Variants in TRIM24 observed in about 807,000 individuals in gnomAD.
TRIM24 encodes transcription intermediary factor 1-alpha.
Under a neutral mutation model 123.9 loss-of-function variants are expected in TRIM24, and 29 were observed. The ratio of observed to expected loss-of-function variants is 0.23; its 90% CI spans 0.17 to 0.32. The LOEUF is 0.32. Among genes scored for constraint, TRIM24 ranks in the 10% least tolerant of loss-of-function variants. TRIM24 has a pLI of 1.00. For synonymous variants in TRIM24, 456 were observed against 461.1 expected (o/e 0.99, Z 0.14); for missense variants, 932 against 1,295.3 (o/e 0.72, Z 4.31).
chr7:138,584,646 A>T, intron 18 of TRIM24, 96 bp from the exon 19 acceptor site: 1 of 924,618 alleles, frequency 1.1e-6, no homozygotes, highest in Non-Finnish European at 1.6e-6. Flanking sequence ...TTCAATGACT[A>T]TGCATGAACA....
intron 6 of TRIM24, among the ~76,000 whole-genome samples, chr7:138,536,067 C>T (rs923294638): frequency 6.6e-6 from 1 of 152,162 alleles, no homozygotes. Flanking sequence ...TCAGCTCCAT[C>T]GGGTCATTTT....
Position 138,460,741 on chromosome 7 carries a change from A to G in TRIM24, c.193A>G (p.Ser65Gly). 2 of 1,576,840 alleles carry G rather than the reference A, an allele frequency of 1.3e-6. No homozygotes were observed. Among genetic ancestry groups the G allele is most frequent in the Non-Finnish European group, 1.7e-6 (2 of 1,164,674 alleles). ...TCAVCHQNIQ[S>G]RAPKLLPCLH... ...CGCCGTGTGCCACCAGAACATCCAG[A>G]GCCGGGCGCCCAAGCTGCTGCCCTG... The change falls in exon 1 of 19, where the codon AGC becomes GGC. Residue 65 changes from serine (S) to glycine (G), a missense_variant. Ser to Gly is a moderately conservative substitution (Grantham distance 56). This residue lies in a region of TRIM24 where 164 missense variants were observed against 181.9 expected (regional missense o/e 0.90). Transcript: ENST00000343526.
At chr7:138,524,935 A>G (rs1796577541) in intron 4 of TRIM24, among the ~76,000 whole-genome samples, 1 of 152,088 alleles carries the variant, frequency 6.6e-6, no homozygotes, top group African/African-American at 2.4e-5. Flanking sequence ...AATAAATCTG[A>G]TTATGTATAA....
At chr7:138,483,103 G>GC (rs1171223092) in intron 1 of TRIM24, among the ~76,000 whole-genome samples, 1 of 150,808 alleles carries the variant, frequency 6.6e-6, no homozygotes, top group African/African-American at 2.4e-5. Context: ...CATTTTTGTA[G>GC]CGGGGGGGGT....
rs150011714 is a variant in TRIM24 at position 138,538,400 on chromosome 7, C to G, written c.997-257C>G. Among the ~76,000 whole-genome samples, 531 of 152,248 alleles carry G rather than the reference C, an allele frequency of 3.5e-3. No individual in the cohort carries two copies. The highest frequency in any genetic ancestry group is 0.012 in the African/African-American group (478 of 41,532). ...ATCTTTCCTTTTTTGTGTATTGTAA[C>G]ATGCATGAACAGAGTTAAATCCCAG... On this transcript the variant is annotated intron_variant, in intron 6 of 18. Transcript: ENST00000343526.
intron 1 of TRIM24, among the ~76,000 whole-genome samples, chr7:138,495,927 G>A (rs556006769): frequency 5.2e-4 from 79 of 152,244 alleles, no homozygotes; most frequent in African/African-American, 1.8e-3. Flanking sequence ...GTATATGTCT[G>A]TTTCTGGACT....
chr7:138,563,679 A>G, intron 9 of TRIM24, among the ~76,000 whole-genome samples: 1 of 152,176 alleles, frequency 6.6e-6, no homozygotes, highest in South Asian at 2.1e-4. Flanking sequence ...TTCACTGTGC[A>G]CTGATTTTCA....
At chr7:138,473,841 G>T (rs1161763595) in intron 1 of TRIM24, among the ~76,000 whole-genome samples, 4 of 152,138 alleles carry the variant, frequency 2.6e-5, no homozygotes, top group African/African-American at 4.8e-5. Flanking sequence ...GACAGTCATG[G>T]CTCACTACAG....
chr7:138,505,867 G>A (rs1796142308), intron 2 of TRIM24, among the ~76,000 whole-genome samples: 1 of 152,118 alleles, frequency 6.6e-6, no homozygotes. Context: ...CTCCAGTGGG[G>A]GTTAGCCATG....
chr7:138,496,672 A>G (rs1795914198), intron 1 of TRIM24, among the ~76,000 whole-genome samples: 2 of 150,056 alleles, frequency 1.3e-5, no homozygotes, highest in South Asian at 2.1e-4. Context: ...TTTTAATTGT[A>G]TTTTCTTTAG....
chr7:138,533,528 C>A (rs1796794853), intron 6 of TRIM24, among the ~76,000 whole-genome samples: 1 of 152,082 alleles, frequency 6.6e-6, no homozygotes, highest in Non-Finnish European at 1.5e-5. Context: ...TATTGATTTG[C>A]ATGTGTTGAA....
At chr7:138,542,149 C>T (rs925497472) in intron 7 of TRIM24, among the ~76,000 whole-genome samples, 2 of 152,140 alleles carry the variant, frequency 1.3e-5, no homozygotes, top group African/African-American at 2.4e-5. Flanking sequence ...GTAACACTTT[C>T]GATTTCCTTC....
chr7:138,581,422 A>G (rs894919359), intron 16 of TRIM24, among the ~76,000 whole-genome samples: 6 of 152,200 alleles, frequency 3.9e-5, no homozygotes, highest in Non-Finnish European at 8.8e-5. Context: ...ACTATTACTA[A>G]TTTATAATAC....
At chr7:138,555,761 C>T (rs1797303421) in intron 9 of TRIM24, among the ~76,000 whole-genome samples, 1 of 152,148 alleles carries the variant, frequency 6.6e-6, no homozygotes, top group Non-Finnish European at 1.5e-5. Context: ...GGATTACAGG[C>T]ATGACCCACT....
rs775763204 is a variant in TRIM24, at chr7:138,554,992, C to A, written c.1530+26C>A. On this transcript the variant is annotated intron_variant, in intron 9 of 18. Coordinates refer to ENST00000343526, the MANE Select transcript of TRIM24 (RefSeq NM_015905.3). This position sits in a 1 kb window ranked among gnomAD's most constrained non-coding sequence, Gnocchi z 4.5. ...GTAAATTTGGAAGCAGGCCTGTCCT[C>A]ACTTAGATAATTATAGTATAATTGT... 4 of 1,605,470 alleles carry A rather than the reference C, an allele frequency of 2.5e-6. No individual in the cohort carries two copies. The highest frequency in any genetic ancestry group is 3.4e-6 in the Non-Finnish European group (4 of 1,174,310).
chr7:138,530,651 GA>G (rs1477362708), intron 6 of TRIM24, among the ~76,000 whole-genome samples: 13 of 150,906 alleles, frequency 8.6e-5, no homozygotes, highest in East Asian at 3.9e-4. Flanking sequence ...TTTTTTTTAA[GA>G]GGGGGGGTTT....
chr7:138,553,130 A>C (rs1165865955), intron 8 of TRIM24, among the ~76,000 whole-genome samples: 10 of 152,206 alleles, frequency 6.6e-5, no homozygotes, highest in Admixed American at 6.5e-4. Flanking sequence ...CGACATAATG[A>C]AGTTAATATA....
intron 6 of TRIM24, among the ~76,000 whole-genome samples, chr7:138,530,083 C>T (rs1172166966): frequency 1.3e-5 from 2 of 152,022 alleles, no homozygotes; most frequent in African/African-American, 4.8e-5. Flanking sequence ...CATGGTCATT[C>T]CTGTGTATTA....
At chr7:138,512,867 T>A (rs1386694297) in intron 2 of TRIM24, among the ~76,000 whole-genome samples, 1 of 152,192 alleles carries the variant, frequency 6.6e-6, no homozygotes, top group Non-Finnish European at 1.5e-5. Flanking sequence ...TCCTACCACA[T>A]GGCCAGGCTG....
Sources: allele counts gnomAD v4.1 joint callset (sites outside exome capture counted in the v4.1 genomes callset), GRCh38; gene constraint gnomAD v4.1.1; regional missense constraint gnomAD v4.1.1; non-coding constraint Gnocchi (gnomAD v3.1); transcripts MANE v1.5; gene names NCBI Gene and HGNC (gene_info 2026-07-23, HGNC 2026-07-21).